SLC12A3: variants seen among roughly 807,000 people sequenced by gnomAD.
The protein encoded by SLC12A3 is solute carrier family 12 member 3, also known as Na-Cl cotransporter.
In SLC12A3, 104 loss-of-function variants were observed where a neutral mutation model predicts 121.0. The observed-to-expected ratio is 0.86, with a 90% CI of 0.73 to 1.01. The LOEUF is 1.01. SLC12A3 is among the 50% of genes least tolerant of loss of function. SLC12A3 has a pLI of 0.00. For missense variants in SLC12A3, 1,328 were observed against 1,356.3 expected (o/e 0.98, Z 0.33); for synonymous variants, 536 against 533.4 (o/e 1.00, Z -0.07).
intron 6 of SLC12A3, among the ~76,000 whole-genome samples, chr16:56,871,615 C>T (rs1489941343): frequency 3.9e-5 from 6 of 152,224 alleles, no homozygotes; most frequent in African/African-American, 9.6e-5. Flanking sequence ...TTCATTCTCC[C>T]ACTTAAGGTG....
intron 25 of SLC12A3, among the ~76,000 whole-genome samples, chr16:56,905,582 T>C (rs1041821524): frequency 6.6e-6 from 1 of 151,716 alleles, no homozygotes; most frequent in African/African-American, 2.4e-5. Flanking sequence ...AGCCGAAATG[T>C]TCGTGGAAAC....
At chr16:56,883,527 G>A (rs1358119603) in intron 13 of SLC12A3, among the ~76,000 whole-genome samples, 13 of 152,142 alleles carry the variant, frequency 8.5e-5, no homozygotes, top group Admixed American at 2.0e-4. Flanking sequence ...TGATCCGCCC[G>A]CCTCAGCCTC....
At chr16:56,912,383 C>T (rs1247271967) in intron 25 of SLC12A3, among the ~76,000 whole-genome samples, 1 of 152,230 alleles carries the variant, frequency 6.6e-6, no homozygotes, top group African/African-American at 2.4e-5. Flanking sequence ...TTTATTCACG[C>T]AGCATTGCAC....
At chr16:56,899,685 C>A (rs373283927) in intron 23 of SLC12A3, 69 bp downstream of exon 23, 23 of 1,096,430 alleles carry the variant, frequency 2.1e-5, no homozygotes, top group East Asian at 1.6e-4. Context: ...CTGCCGGCTG[C>A]CCCCTTTTTC....
At chr16:56,909,769 G>A (rs1484004576) in intron 25 of SLC12A3, among the ~76,000 whole-genome samples, 1 of 151,360 alleles carries the variant, frequency 6.6e-6, no homozygotes, top group Non-Finnish European at 1.5e-5. Flanking sequence ...AGGCTCTAGG[G>A]TGGAGCCCAG....
At chr16:56,890,134 A>T (rs1304413998) in intron 18 of SLC12A3, 140 bp from the exon 19 acceptor site, 10 of 723,790 alleles carry the variant, frequency 1.4e-5, no homozygotes, top group Non-Finnish European at 2.3e-5. Context: ...CAGGATACAG[A>T]TGGGGAAACT....
At chr16:56,888,061 G>A in intron 18 of SLC12A3, 30 bp downstream of exon 18, 2 of 1,549,386 alleles carry the variant, frequency 1.3e-6, no homozygotes, top group South Asian at 2.2e-5. Context: ...GGGGCTTGGG[G>A]TCTGTTAATT....
At position 56,880,270 on chromosome 16, in the gene SLC12A3, GC is replaced by G; in HGVS notation, c.1567+18del. On this transcript the variant is annotated intron_variant, in intron 12 of 25. Transcript: ENST00000563236. ...TCATCATCGGTAAGGCTCTGCCAGGGCTCACAGGGCCTGGCCTCCTGTTCCC... is the reference window on the plus strand; with the variant it reads ...TCATCATCGGTAAGGCTCTGCCAGGGTCACAGGGCCTGGCCTCCTGTTCCC... The G allele has an allele frequency of 6.4e-7, 1 of 1,567,732 alleles. No individual in the cohort carries two copies. Among genetic ancestry groups the G allele is most frequent in the Non-Finnish European group, 8.6e-7 (1 of 1,156,220 alleles).
intron 25 of SLC12A3, among the ~76,000 whole-genome samples, chr16:56,905,966 TTCTC>T (rs1228920276): frequency 1.3e-5 from 2 of 152,144 alleles, no homozygotes; most frequent in Non-Finnish European, 2.9e-5. Context: ...CAAGCTTGCT[TTCTC>T]TGGCAAGAAG....
chr16:56,903,228 C>A (rs1210942092), intron 24 of SLC12A3, among the ~76,000 whole-genome samples: 1 of 152,134 alleles, frequency 6.6e-6, no homozygotes, highest in Non-Finnish European at 1.5e-5. Context: ...CCTACCCCTG[C>A]CACAGCTCAG....
Position 56,872,409 on chromosome 16 carries a change from C to A in SLC12A3, c.911C>A (p.Thr304Lys), listed in dbSNP as rs755069436. ...MVSFANYLVG[T>K]LIPPSEDKAS... Reference sequence around the variant, plus strand: ...TCCTTTGCCAACTATTTAGTGGGGACGCTGATCCCCCCATCTGAGGACAAG... The same window carrying A: ...TCCTTTGCCAACTATTTAGTGGGGAAGCTGATCCCCCCATCTGAGGACAAG... Residue 304 changes from threonine to lysine, a missense_variant, in exon 7 of 26, where the codon ACG becomes AAG. By Grantham distance (78) the Thr-to-Lys change is moderately conservative (BLOSUM62 -1). Coordinates refer to ENST00000563236, the MANE Select transcript of SLC12A3 (RefSeq NM_001126108.2). The A allele has an allele frequency of 3.7e-6, 6 of 1,614,076 alleles. No individual in the cohort carries two copies. The highest frequency in any genetic ancestry group is 1.1e-5 in the South Asian group (1 of 91,082).
At chr16:56,868,696 C>T (rs1339629925) in intron 3 of SLC12A3, among the ~76,000 whole-genome samples, 3 of 152,220 alleles carry the variant, frequency 2.0e-5, no homozygotes, top group Non-Finnish European at 4.4e-5. Context: ...GGCACGGTGG[C>T]TCACGCTTTG....
chr16:56,913,338 A>G lies in SLC12A3; in HGVS notation c.2999A>G (p.Asp1000Gly), dbSNP rs752598695. ...YMAWLETLSQDLRPPVILIRG... is the reference protein window; with the variant it reads ...YMAWLETLSQGLRPPVILIRG... ...GCCTGGCTGGAGACCCTGTCCCAGG[A>G]CCTCAGACCTCCAGTCATCCTGATC... Residue 1000 changes from aspartate to glycine, a missense_variant, in exon 26 of 26, where the codon GAC becomes GGC. Asp to Gly is a moderately conservative substitution (Grantham distance 94, BLOSUM62 -1). Coordinates refer to ENST00000563236, the MANE Select transcript of SLC12A3 (RefSeq NM_001126108.2). 7.4e-6 allele frequency: 12 copies of G among 1,613,998 alleles called. No individual in the cohort carries two copies. In the South Asian group the frequency reaches 9.9e-5, roughly 13 times the overall value.
chr16:56,911,481 T>G (rs1428893392), intron 25 of SLC12A3, among the ~76,000 whole-genome samples: 4 of 152,182 alleles, frequency 2.6e-5, no homozygotes, highest in African/African-American at 9.7e-5. Flanking sequence ...TGTGCCATCA[T>G]GCCCAGCTAA....
chr16:56,887,201 G>C, intron 17 of SLC12A3, 108 bp downstream of exon 17: 1 of 1,439,016 alleles, frequency 6.9e-7, no homozygotes, highest in African/African-American at 1.4e-5. Context: ...GCTGCAGAAG[G>C]AGCCCCAACT....
intron 22 of SLC12A3, among the ~76,000 whole-genome samples, chr16:56,898,521 G>A (rs35192912): frequency 0.037 from 5,646 of 152,230 alleles, 167 homozygotes; most frequent in African/African-American, 0.077. Flanking sequence ...GCCTCTCAAA[G>A]TGCTGGGATT....
chr16:56,901,347 C>CT (rs113592874), intron 23 of SLC12A3, among the ~76,000 whole-genome samples: 20,090 of 128,844 alleles, frequency 0.16, 1,855 homozygotes, highest in East Asian at 0.25. Context: ...CTCTCTCTCT[C>CT]TTTTTTTTTT....
Position 56,893,028 on chromosome 16 carries a change from A to C in SLC12A3, c.2495A>C (p.Asp832Ala). The change falls in exon 21 of 26, where the codon GAC (aspartate) becomes GCC (alanine). Residue 832 changes from aspartate (D) to alanine (A), a missense_variant. Transcript: ENST00000563236. ...FQSEQGKKTI[D>A]IYWLFDDGGL... ...TCGGAGCAGGGCAAGAAGACCATAG[A>C]CATCTACTGGCTCTTTGACGATGGA... 1 of 1,614,138 alleles carries C rather than the reference A, an allele frequency of 6.2e-7. No individual in the cohort carries two copies. Among genetic ancestry groups the C allele is most frequent in the Non-Finnish European group, 8.5e-7 (1 of 1,179,952 alleles).
At chr16:56,890,795 G>A (rs1452325910) in intron 19 of SLC12A3, among the ~76,000 whole-genome samples, 1 of 152,018 alleles carries the variant, frequency 6.6e-6, no homozygotes, top group Admixed American at 6.6e-5. Context: ...CCAGCTACTT[G>A]GGAGGCTGAG....
Sources: allele counts gnomAD v4.1 joint callset (sites outside exome capture counted in the v4.1 genomes callset), GRCh38; gene constraint gnomAD v4.1.1; transcripts MANE v1.5; gene names NCBI Gene and HGNC (gene_info 2026-07-23, HGNC 2026-07-21).